ATP9A: variants seen among roughly 807,000 people sequenced by gnomAD.
ATP9A encodes ATPase phospholipid transporting 9A.
A neutral mutation model predicts 144.1 loss-of-function variants in ATP9A; 52 were observed. That is an observed-to-expected ratio of 0.36 (90% CI 0.29 to 0.45). The LOEUF is 0.45. ATP9A is among the 20% of genes least tolerant of loss of function. The probability of loss-of-function intolerance (pLI) is 1.00; values close to 1 mark genes in which losing one functional copy is unlikely to be tolerated. For synonymous variants in ATP9A, 582 were observed against 557.4 expected (o/e 1.04, Z -0.62); for missense variants, 947 against 1,392.7 (o/e 0.68, Z 5.09).
chr20:51,736,001 GC>G (rs1466396381), intron 1 of ATP9A, among the ~76,000 whole-genome samples: 1 of 152,212 alleles, frequency 6.6e-6, no homozygotes, highest in Non-Finnish European at 1.5e-5. Context: ...AAGGCCAGGG[GC>G]CAGAGAGTGA....
At chr20:51,627,397 C>T (rs1001557595) in intron 17 of ATP9A, among the ~76,000 whole-genome samples, 9 of 152,104 alleles carry the variant, frequency 5.9e-5, no homozygotes, top group Non-Finnish European at 8.8e-5. Context: ...CCAAAAGAAG[C>T]GAGGAAATGG....
At chr20:51,650,028 A>G (rs1353968942) in intron 14 of ATP9A, among the ~76,000 whole-genome samples, 1 of 152,194 alleles carries the variant, frequency 6.6e-6, no homozygotes, top group Admixed American at 6.5e-5. Flanking sequence ...ACCTTCCATG[A>G]AAGTGAGTAG....
At position 51,622,242 on chromosome 20, in the gene ATP9A, AGTTTCCAACAACATGGAGCTGAACTT is replaced by A; in HGVS notation, c.2017-96_2017-71del. ...GCCGGCCTGTCATCTGCAACAGCTGAGTTTCCAACAACATGGAGCTGAACTTGGTATGTTCCGTTTACCTCCTGCCG... is the reference window on the plus strand; with the variant it reads ...GCCGGCCTGTCATCTGCAACAGCTGAGGTATGTTCCGTTTACCTCCTGCCG... On this transcript the variant is annotated intron_variant, in intron 18 of 27. Transcript: ENST00000338821. 17 of 1,252,918 alleles carry A rather than the reference AGTTTCCAACAACATGGAGCTGAACTT, an allele frequency of 1.4e-5. No individual in the cohort carries two copies. The South Asian group carries it at 2.1e-4, about 15-fold the overall frequency. The allele number at this position is 1,252,918 out of a possible 1,614,324, so 77.6% of individuals were successfully genotyped here. A position where few individuals can be genotyped will look rare whatever the true frequency, so the allele number is the denominator to read the frequency against.
At chr20:51,673,375 A>AAAAT (rs1050749861) in intron 11 of ATP9A, among the ~76,000 whole-genome samples, 9 of 152,166 alleles carry the variant, frequency 5.9e-5, no homozygotes, top group Middle Eastern at 3.4e-3. Flanking sequence ...CTCCATCTCA[A>AAAAT]AAATAAATAA....
chr20:51,690,961 G>T, intron 7 of ATP9A, 142 bp from the exon 8 acceptor site: 2 of 703,920 alleles, frequency 2.8e-6, no homozygotes, highest in Non-Finnish European at 5.0e-6. Flanking sequence ...GTGGAAAGAA[G>T]AGGAAAGTCC....
At chr20:51,752,420 C>A (rs1227567269) in intron 1 of ATP9A, among the ~76,000 whole-genome samples, 1 of 152,194 alleles carries the variant, frequency 6.6e-6, no homozygotes, top group East Asian at 1.9e-4. Context: ...TTCTCTCGCA[C>A]GTGTTGACCA....
In ATP9A at chr20:51,657,022, C is replaced by T. The variant is rs1327434076; in HGVS notation, c.1422G>A (p.Glu474=). Residue 474 remains glutamate (E), a synonymous_variant, in exon 14 of 28, where the codon GAG becomes GAA. Transcript: ENST00000338821. ...ALCHNVTPVY[E]SNGVTDQAEA... ...CAGCCTGATCAGTCACACCGTTGGA[C>T]TCATACACGGGAGTCACGTTGTGGC... 1.2e-6 allele frequency: 2 copies of T among 1,614,124 alleles called. No homozygotes were observed. Among genetic ancestry groups the T allele is most frequent in the African/African-American group, 2.7e-5 (2 of 74,948 alleles).
At chr20:51,766,405 G>A (rs1290742696) in intron 1 of ATP9A, among the ~76,000 whole-genome samples, 1 of 152,110 alleles carries the variant, frequency 6.6e-6, no homozygotes. Flanking sequence ...CATAGTAGGC[G>A]TCTCATAATT....
At chr20:51,746,901 G>A (rs1341225159) in intron 1 of ATP9A, among the ~76,000 whole-genome samples, 1 of 151,924 alleles carries the variant, frequency 6.6e-6, no homozygotes, top group Non-Finnish European at 1.5e-5. Flanking sequence ...AGCTACTCCA[G>A]AGGCTGAGGC....
At chr20:51,722,187 C>T (rs1277320517) in intron 3 of ATP9A, among the ~76,000 whole-genome samples, 3 of 152,146 alleles carry the variant, frequency 2.0e-5, no homozygotes, top group Non-Finnish European at 2.9e-5. Flanking sequence ...TACAAAAAAT[C>T]AACTCAAGAT....
intron 1 of ATP9A, among the ~76,000 whole-genome samples, chr20:51,766,093 A>G (rs1161831539): frequency 6.6e-6 from 1 of 152,234 alleles, no homozygotes; most frequent in Admixed American, 6.5e-5. Context: ...TGAACGGCTC[A>G]TGTTTCTATC....
At chr20:51,719,970 A>G (rs140339314) in intron 3 of ATP9A, among the ~76,000 whole-genome samples, 2 of 152,152 alleles carry the variant, frequency 1.3e-5, no homozygotes, top group African/African-American at 4.8e-5. Flanking sequence ...AATCACTTGA[A>G]CCCGAGAGGC....
At chr20:51,632,183 T>C (rs1200174597) in intron 15 of ATP9A, among the ~76,000 whole-genome samples, 3 of 152,150 alleles carry the variant, frequency 2.0e-5, no homozygotes, top group Non-Finnish European at 4.4e-5. Flanking sequence ...GACCTCAACC[T>C]GGACCTCCTG....
rs568001018 is a variant in ATP9A at position 51,699,977 on chromosome 20, T to C, written c.437-2495A>G. Reference sequence around the variant, plus strand: ...CTTCTAGAAAGCACTCAACTAACAATGGCGAGCTGAACTAACCCTCGATCG... The same window carrying C: ...CTTCTAGAAAGCACTCAACTAACAACGGCGAGCTGAACTAACCCTCGATCG... On this transcript the variant is annotated intron_variant, in intron 4 of 27. Coordinates refer to ENST00000338821, the MANE Select transcript of ATP9A (RefSeq NM_006045.3). Among the ~76,000 whole-genome samples the C allele has an allele frequency of 4.6e-5, 7 of 151,970 alleles. No homozygotes were observed. The East Asian group carries it at 1.4e-3, about 30-fold the overall frequency.
chr20:51,686,759 A>C (rs548272642), intron 9 of ATP9A, among the ~76,000 whole-genome samples: 4 of 152,124 alleles, frequency 2.6e-5, no homozygotes, highest in African/African-American at 4.8e-5. Flanking sequence ...ACATGGTGAA[A>C]TCCCATCTTT....
intron 4 of ATP9A, among the ~76,000 whole-genome samples, chr20:51,699,350 A>G (rs910160712): frequency 6.6e-6 from 1 of 151,830 alleles, no homozygotes; most frequent in Non-Finnish European, 1.5e-5. Context: ...AAAAAAAAAA[A>G]AAAAGAACTT....
At chr20:51,715,908 G>A (rs891566898) in intron 3 of ATP9A, among the ~76,000 whole-genome samples, 3 of 152,082 alleles carry the variant, frequency 2.0e-5, no homozygotes, top group African/African-American at 7.2e-5. Context: ...ACAACTCACA[G>A]ACAAGCAACT....
rs191257511 is a variant in ATP9A at position 51,672,990 on chromosome 20, G to T, written c.1037+1163C>A. Reference sequence around the variant, plus strand: ...TACTATTAACAATGATTATCACTTGGTAGTGAGAGCAGAGGTGATTTATAT... The same window carrying T: ...TACTATTAACAATGATTATCACTTGTTAGTGAGAGCAGAGGTGATTTATAT... On this transcript the variant is annotated intron_variant, in intron 11 of 27. Transcript: ENST00000338821. Among the ~76,000 whole-genome samples, 5 of 152,300 alleles carry T rather than the reference G, an allele frequency of 3.3e-5. No homozygotes were observed. In the East Asian group the frequency reaches 7.7e-4, roughly 23 times the overall value.
chr20:51,646,922 A>C (rs973520070), intron 14 of ATP9A, among the ~76,000 whole-genome samples: 6 of 152,132 alleles, frequency 3.9e-5, no homozygotes, highest in African/African-American at 1.4e-4. Flanking sequence ...CCTCAAGACC[A>C]GCCTGGCCAA....
Sources: allele counts gnomAD v4.1 joint callset (sites outside exome capture counted in the v4.1 genomes callset), GRCh38; gene constraint gnomAD v4.1.1; transcripts MANE v1.5; gene names NCBI Gene and HGNC (gene_info 2026-07-23, HGNC 2026-07-21).